Variants in SLC8A1 observed in about 807,000 individuals in gnomAD.
The protein encoded by SLC8A1 is solute carrier family 8 member A1.
A neutral mutation model predicts 68.3 loss-of-function variants in SLC8A1; 18 were observed. That is an observed-to-expected ratio of 0.26 (90% CI 0.18 to 0.39). The LOEUF is 0.39. Among genes scored for constraint, SLC8A1 ranks in the 10% least tolerant of loss-of-function variants. The pLI, the probability that SLC8A1 is intolerant of heterozygous loss-of-function variation, is 1.00. For synonymous variants in SLC8A1, 475 were observed against 415.5 expected, an observed-to-expected ratio of 1.14 and a Z score of -1.74; for missense variants, 985 against 1,156.7, an observed-to-expected ratio of 0.85 and a Z score of 2.15.
At chr2:40,098,865 C>G (rs1436835256) in exon 8 of SLC8A1, 1 of 151,960 alleles carries the variant, frequency 6.6e-6, no homozygotes, top group Non-Finnish European at 1.5e-5. Context: ...AGAAGATAAT[C>G]TACATTTTAC....
At chr2:40,326,878 T>A (rs938322952) in intron 2 of SLC8A1, among the ~76,000 whole-genome samples, 2 of 152,180 alleles carry the variant, frequency 1.3e-5, no homozygotes, top group Admixed American at 6.5e-5. Flanking sequence ...AAGAGAAGGA[T>A]CCTAACCAGA....
At chr2:40,497,006 A>G (rs1438289020) in intron 1 of SLC8A1, among the ~76,000 whole-genome samples, 2 of 151,672 alleles carry the variant, frequency 1.3e-5, no homozygotes, top group South Asian at 2.1e-4. Context: ...GCGCACCAGC[A>G]TGGCACATGT....
At chr2:40,292,437 G>T (rs1575123917) in intron 2 of SLC8A1, among the ~76,000 whole-genome samples, 1 of 152,128 alleles carries the variant, frequency 6.6e-6, no homozygotes, top group Admixed American at 6.6e-5. Flanking sequence ...CAGTGTCTAA[G>T]CTAGATTTTT....
chr2:40,253,002 T>A (rs1278366247), intron 2 of SLC8A1, among the ~76,000 whole-genome samples: 1 of 134,772 alleles, frequency 7.4e-6, no homozygotes, highest in Non-Finnish European at 1.6e-5. Flanking sequence ...TGTATATACA[T>A]ATATATGTAT....
At chr2:40,186,702 C>T (rs968844251) in intron 2 of SLC8A1, among the ~76,000 whole-genome samples, 2 of 152,050 alleles carry the variant, frequency 1.3e-5, no homozygotes, top group African/African-American at 4.8e-5. Context: ...CAACATTACC[C>T]AGGTTTGTAA....
chr2:40,335,934 G>A (rs762473207), intron 2 of SLC8A1, among the ~76,000 whole-genome samples: 12 of 152,222 alleles, frequency 7.9e-5, no homozygotes, highest in Non-Finnish European at 1.6e-4. Context: ...GTTGGTATAT[G>A]AACCAAGTAC....
At chr2:40,283,941 C>T (rs2067880726) in intron 2 of SLC8A1, among the ~76,000 whole-genome samples, 1 of 152,090 alleles carries the variant, frequency 6.6e-6, no homozygotes, top group South Asian at 2.1e-4. Flanking sequence ...AAAAGCAAAG[C>T]TGTATTTTGG....
chr2:40,127,961 A>G (rs1463073992), intron 7 of SLC8A1, among the ~76,000 whole-genome samples: 1 of 152,204 alleles, frequency 6.6e-6, no homozygotes, highest in Non-Finnish European at 1.5e-5. Flanking sequence ...TGGGTGAACA[A>G]TGCAAAGCAT....
intron 2 of SLC8A1, among the ~76,000 whole-genome samples, chr2:40,241,312 C>G (rs2061189986): frequency 6.6e-6 from 1 of 152,014 alleles, no homozygotes; most frequent in East Asian, 1.9e-4. Flanking sequence ...CATACACGGA[C>G]ATAAACGTGG....
chr2:40,224,137 G>T (rs2058684747), intron 2 of SLC8A1, among the ~76,000 whole-genome samples: 1 of 152,142 alleles, frequency 6.6e-6, no homozygotes, highest in African/African-American at 2.4e-5. Flanking sequence ...ATAGCTAATT[G>T]TCTAGTGCGG....
intron 1 of SLC8A1, among the ~76,000 whole-genome samples, chr2:40,488,300 C>G (rs1705097856): frequency 6.6e-6 from 1 of 151,758 alleles, no homozygotes; most frequent in Non-Finnish European, 1.5e-5. Flanking sequence ...TGCTAGCTCA[C>G]CAAGGAAGCT....
chr2:40,231,550 A>G (rs558178415), intron 2 of SLC8A1, among the ~76,000 whole-genome samples: 115 of 151,936 alleles, frequency 7.6e-4, no homozygotes, highest in African/African-American at 2.6e-3. Context: ...GTCTTCCAGA[A>G]CTCACTTCAA....
chr2:40,184,898 CAA>C (rs66662572), intron 2 of SLC8A1, among the ~76,000 whole-genome samples: 5,233 of 106,554 alleles, frequency 0.049, 57 homozygotes, highest in African/African-American at 0.065. Flanking sequence ...TAACCAAAAA[CAA>C]AAAAAAAAAA....
chr2:40,221,870 G>T (rs2148844605), intron 2 of SLC8A1, among the ~76,000 whole-genome samples: 1 of 152,238 alleles, frequency 6.6e-6, no homozygotes, highest in Non-Finnish European at 1.5e-5. Flanking sequence ...AAATAAGAGA[G>T]GACACAAACA....
intron 2 of SLC8A1, among the ~76,000 whole-genome samples, chr2:40,295,549 A>G (rs986505137): frequency 1.2e-4 from 18 of 152,172 alleles, no homozygotes; most frequent in African/African-American, 1.9e-4. Context: ...TTTTGTCCTG[A>G]AATTCATTTT....
intron 1 of SLC8A1, among the ~76,000 whole-genome samples, chr2:40,458,235 GA>G (rs1306295956): frequency 2.6e-5 from 4 of 152,146 alleles, no homozygotes; most frequent in Non-Finnish European, 5.9e-5. Context: ...ACTTTTCTGG[GA>G]AATTTAAGAG....
chr2:40,154,918 G>A (rs1011595614), intron 6 of SLC8A1, among the ~76,000 whole-genome samples: 1 of 152,068 alleles, frequency 6.6e-6, no homozygotes, highest in African/African-American at 2.4e-5. Context: ...ACTTTCTTAG[G>A]ACAGTTCTAC....
At chr2:40,367,842 A>G (rs745445730) in intron 2 of SLC8A1, among the ~76,000 whole-genome samples, 1 of 152,092 alleles carries the variant, frequency 6.6e-6, no homozygotes, top group African/African-American at 2.4e-5. Flanking sequence ...ACTGACTCAC[A>G]TGAAGACTGA....
At chr2:40,354,958 G>C (rs72798624) in intron 2 of SLC8A1, among the ~76,000 whole-genome samples, 5,910 of 152,252 alleles carry the variant, frequency 0.039, 174 homozygotes, top group Non-Finnish European at 0.061. Flanking sequence ...AACAGGCATA[G>C]AGAAATGCTT....
Sources: allele counts gnomAD v4.1 joint callset (sites outside exome capture counted in the v4.1 genomes callset), GRCh38; gene constraint gnomAD v4.1.1; transcripts MANE v1.5; gene names NCBI Gene and HGNC (gene_info 2026-07-23, HGNC 2026-07-21).